Variants in PTDSS1 observed in about 807,000 individuals in gnomAD.
PTDSS1 encodes PSS-1.
A neutral mutation model predicts 70.5 loss-of-function variants in PTDSS1; 45 were observed. The observed-to-expected ratio is 0.64, with a 90% CI of 0.50 to 0.82. The LOEUF (loss-of-function observed/expected upper bound fraction) is 0.82. PTDSS1 is among the 40% of genes least tolerant of loss of function. The pLI, the probability that PTDSS1 is intolerant of heterozygous loss-of-function variation, is 0.00. For missense variants in PTDSS1, 417 were observed against 586.1 expected, an observed-to-expected ratio of 0.71 and a Z score of 2.98; for synonymous variants, 188 against 203.8, an observed-to-expected ratio of 0.92 and a Z score of 0.66.
chr8:96,286,991 C>A lies in PTDSS1; in HGVS notation c.317-31C>A, dbSNP rs567144271. 88 of 1,612,818 alleles carry A rather than the reference C, an allele frequency of 5.5e-5. 3 individuals are homozygous for A. In the South Asian group the frequency reaches 9.6e-4, roughly 18 times the overall value. On this transcript the variant is annotated intron_variant, in intron 3 of 12. Coordinates refer to ENST00000517309, the MANE Select transcript of PTDSS1 (RefSeq NM_014754.3). ...TGTGTGTCTGACTATTGGATCTCTT[C>A]TAAACTTCAGCATGTTTTTGTTTCT... is the stretch of plus-strand genomic sequence containing the variant.
intron 8 of PTDSS1, 25 bp from the exon 9 acceptor site, chr8:96,309,532 A>G (rs931342904): frequency 5.6e-6 from 9 of 1,609,088 alleles, no homozygotes; most frequent in African/African-American, 2.7e-5. Context: ...GCAGCTCTCA[A>G]TGAATTCCAA....
chr8:96,324,269 G>T (rs6468498), intron 10 of PTDSS1, among the ~76,000 whole-genome samples: 139,619 of 152,230 alleles, frequency 0.92, 64,219 homozygotes, highest in Non-Finnish European at 0.93. Context: ...AGGATCACCC[G>T]TAATGCTCCC....
chr8:96,309,833 T>C (rs972390419), intron 9 of PTDSS1, among the ~76,000 whole-genome samples: 1 of 152,136 alleles, frequency 6.6e-6, no homozygotes, highest in Non-Finnish European at 1.5e-5. Flanking sequence ...TAAGAATAGT[T>C]ACTTGGCAAA....
chr8:96,326,722 A>G (rs1811443629), intron 10 of PTDSS1, among the ~76,000 whole-genome samples: 1 of 152,152 alleles, frequency 6.6e-6, no homozygotes, highest in South Asian at 2.1e-4. Context: ...CGGGGAAACA[A>G]TGTGGTCTGA....
At chr8:96,323,714 C>A (rs1037886790) in intron 10 of PTDSS1, among the ~76,000 whole-genome samples, 1 of 152,200 alleles carries the variant, frequency 6.6e-6, no homozygotes, top group Admixed American at 6.5e-5. Context: ...ATCTCTGAAA[C>A]GCTTTTGCTT....
At chr8:96,274,163 T>C (rs1357360135) in intron 2 of PTDSS1, among the ~76,000 whole-genome samples, 1 of 151,912 alleles carries the variant, frequency 6.6e-6, no homozygotes, top group Non-Finnish European at 1.5e-5. Context: ...TTTTAACACC[T>C]ATGACATTTG....
chr8:96,302,983 G>A (rs1217361613), intron 6 of PTDSS1, among the ~76,000 whole-genome samples: 2 of 152,086 alleles, frequency 1.3e-5, no homozygotes, highest in Non-Finnish European at 2.9e-5. Flanking sequence ...AAGTTCCCAC[G>A]ACATAAACCC....
At chr8:96,306,365 G>C (rs1811124073) in intron 7 of PTDSS1, 79 bp from the exon 8 acceptor site, 1 of 1,007,014 alleles carries the variant, frequency 9.9e-7, no homozygotes, top group African/African-American at 1.6e-5. Flanking sequence ...ATTTCTAATT[G>C]TAGAATGTCT....
chr8:96,310,514 C>A (rs1811195708), intron 9 of PTDSS1, among the ~76,000 whole-genome samples: 1 of 151,318 alleles, frequency 6.6e-6, no homozygotes, highest in South Asian at 2.1e-4. Flanking sequence ...TGGTATTTCC[C>A]ACAAACAACT....
In PTDSS1 at chr8:96,268,746, G is replaced by A. The variant is rs536861535; in HGVS notation, c.180-4553G>A. Among the ~76,000 whole-genome samples the A allele has an allele frequency of 2.6e-5, 4 of 151,932 alleles. No homozygotes were observed. In the East Asian group the frequency reaches 7.8e-4, roughly 30 times the overall value. ...GCTGAAACAATGCTCTGCAGAAGAA[G>A]CCAAGGTGTTTGAAAACTTGATTGG... On this transcript the variant is annotated intron_variant, in intron 1 of 12. Transcript: ENST00000517309.
chr8:96,273,201 G>A lies in PTDSS1; in HGVS notation c.180-98G>A, dbSNP rs16894393. The A allele has an allele frequency of 0.083, 62,357 of 749,250 alleles. 3,511 individuals are homozygous for A. Among genetic ancestry groups the A allele is most frequent in the African/African-American group, 0.22 (12,710 of 56,584 alleles). The allele number at this position is 749,250 out of a possible 1,614,324, so 46.4% of individuals were successfully genotyped here. A position where few individuals can be genotyped will look rare whatever the true frequency, so the allele number is the denominator to read the frequency against. ...CTATGTTCAATCCTGTCATACATCT[G>A]GCAGTCCCCCAGTTTTTAGAACATG... On this transcript the variant is annotated intron_variant, in intron 1 of 12. Coordinates refer to ENST00000517309, the MANE Select transcript of PTDSS1 (RefSeq NM_014754.3).
chr8:96,301,138 T>C (rs1195341519), intron 6 of PTDSS1, among the ~76,000 whole-genome samples: 2 of 152,222 alleles, frequency 1.3e-5, no homozygotes, highest in African/African-American at 2.4e-5. Flanking sequence ...TTTTTTTTGT[T>C]TGTTTTATTG....
At chr8:96,265,423 A>T (rs1482338455) in intron 1 of PTDSS1, among the ~76,000 whole-genome samples, 3 of 152,194 alleles carry the variant, frequency 2.0e-5, no homozygotes, top group Non-Finnish European at 4.4e-5. Flanking sequence ...TTCTTTTGTT[A>T]GATGGCCCTT....
chr8:96,265,146 ATTTAT>A (rs924127666), intron 1 of PTDSS1, among the ~76,000 whole-genome samples: 8 of 152,200 alleles, frequency 5.3e-5, no homozygotes, highest in African/African-American at 1.9e-4. Context: ...GTGCCTTATT[ATTTAT>A]TTTATAAGAT....
rs755150411 is a variant in PTDSS1, at chr8:96,262,153, A to C, written c.113A>C (p.Tyr38Ser). 27 of 1,613,878 alleles carry C rather than the reference A, an allele frequency of 1.7e-5. No individual in the cohort carries two copies. The highest frequency in any genetic ancestry group is 2.3e-5 in the Non-Finnish European group (27 of 1,179,838). Reference sequence around the variant, plus strand: ...GAGGACATCACCATTGACTTCTTCTACCGGCCGCATACCATCACCCTGCTC... The same window carrying C: ...GAGGACATCACCATTGACTTCTTCTCCCGGCCGCATACCATCACCCTGCTC... ...QVEDITIDFF[Y>S]RPHTITLLSF... Residue 38 changes from tyrosine to serine, a missense_variant, in exon 1 of 13, where the codon TAC becomes TCC. By Grantham distance (144) the Tyr-to-Ser change is moderately radical. Coordinates refer to ENST00000517309, the MANE Select transcript of PTDSS1 (RefSeq NM_014754.3). This position sits in a 1 kb window ranked among gnomAD's most constrained non-coding sequence, Gnocchi z 4.4.
At chr8:96,275,784 G>C (rs1046271922) in intron 2 of PTDSS1, among the ~76,000 whole-genome samples, 1 of 152,204 alleles carries the variant, frequency 6.6e-6, no homozygotes, top group Non-Finnish European at 1.5e-5. Context: ...GGTAGTGACA[G>C]TTTATTCCCC....
chr8:96,312,505 G>A (rs963777318), intron 9 of PTDSS1, among the ~76,000 whole-genome samples: 2 of 149,078 alleles, frequency 1.3e-5, no homozygotes, highest in Admixed American at 6.7e-5. Flanking sequence ...AGTAAACAAT[G>A]CCAAAGAGTG....
At chr8:96,309,971 T>C (rs1811184224) in intron 9 of PTDSS1, among the ~76,000 whole-genome samples, 1 of 151,774 alleles carries the variant, frequency 6.6e-6, no homozygotes, top group Non-Finnish European at 1.5e-5. Flanking sequence ...GAGACTAACC[T>C]GGTCAACATG....
intron 10 of PTDSS1, among the ~76,000 whole-genome samples, chr8:96,327,048 G>C (rs752847141): frequency 2.2e-4 from 33 of 152,318 alleles, no homozygotes; most frequent in Non-Finnish European, 2.4e-4. Context: ...CCCATTGAAA[G>C]GAGGAGGTGA....
Sources: allele counts gnomAD v4.1 joint callset (sites outside exome capture counted in the v4.1 genomes callset), GRCh38; gene constraint gnomAD v4.1.1; non-coding constraint Gnocchi (gnomAD v3.1); transcripts MANE v1.5; gene names NCBI Gene and HGNC (gene_info 2026-07-23, HGNC 2026-07-21).